PCDHA4: variants seen among roughly 807,000 people sequenced by gnomAD.
The protein encoded by PCDHA4 is protocadherin alpha 4.
Under a neutral mutation model 61.4 loss-of-function variants are expected in PCDHA4, and 49 were observed. The observed-to-expected ratio is 0.80, with a 90% CI of 0.63 to 1.01. The LOEUF is 1.01. Ranked by LOEUF, PCDHA4 falls within the 50% of genes least tolerant of loss-of-function variation. PCDHA4 has a pLI of 0.00. For synonymous variants in PCDHA4, 590 were observed against 550.3 expected (o/e 1.07, Z -1.01); for missense variants, 1,254 against 1,235.8 (o/e 1.01, Z -0.22).
chr5:140,927,137 A>G, intron 1 of PCDHA4: 2 of 1,614,052 alleles, frequency 1.2e-6, no homozygotes, highest in South Asian at 2.2e-5. Context: ...GAGCCGGCGG[A>G]CCGCGAACAG....
At chr5:140,829,903 C>T (rs2150177416) in intron 1 of PCDHA4, 3 of 1,613,978 alleles carry the variant, frequency 1.9e-6, no homozygotes, top group Non-Finnish European at 1.7e-6. Flanking sequence ...CAGGCTACAA[C>T]GCGTGGCTTT....
intron 1 of PCDHA4, chr5:140,817,098 T>C (rs1766065585): frequency 6.6e-6 from 1 of 152,248 alleles, no homozygotes; most frequent in African/African-American, 2.4e-5. Flanking sequence ...GCCACCCAGC[T>C]CTTTATTATT....
At chr5:140,884,049 T>C (rs1268930422) in intron 1 of PCDHA4, 2 of 1,613,296 alleles carry the variant, frequency 1.2e-6, no homozygotes, top group African/African-American at 1.3e-5. Flanking sequence ...GTGGCGAAGG[T>C]GCGCGCGGTG....
At chr5:140,918,241 G>C (rs1241592397) in intron 1 of PCDHA4, among the ~76,000 whole-genome samples, 4 of 152,162 alleles carry the variant, frequency 2.6e-5, no homozygotes, top group Admixed American at 1.3e-4. Flanking sequence ...CATTGATTTT[G>C]TATGCTGAAA....
rs1554124344 is a variant in PCDHA4, at chr5:140,807,922, C to A, written c.735C>A (p.Thr245=). ...ANDNAPAFDR[T]IYKVRLLENV... ...ACAATGCCCCAGCTTTTGACAGAACCATTTATAAGGTGAGATTACTAGAAA... is the reference window on the plus strand; with the variant it reads ...ACAATGCCCCAGCTTTTGACAGAACAATTTATAAGGTGAGATTACTAGAAA... Residue 245 remains threonine (T), a synonymous_variant, in exon 1 of 4, where the codon ACC becomes ACA. Coordinates refer to ENST00000530339, the MANE Select transcript of PCDHA4 (RefSeq NM_018907.4). The A allele has an allele frequency of 4.3e-6, 7 of 1,613,988 alleles. No individual in the cohort carries two copies. Among genetic ancestry groups the A allele is most frequent in the East Asian group, 2.2e-5 (1 of 44,880 alleles).
intron 1 of PCDHA4, among the ~76,000 whole-genome samples, chr5:140,893,546 A>T (rs765690335): frequency 2.0e-5 from 3 of 152,210 alleles, no homozygotes; most frequent in Non-Finnish European, 4.4e-5. Context: ...TGTAGGACTT[A>T]TCTAGTTGTA....
At chr5:140,882,018 A>C in intron 1 of PCDHA4, 2 of 559,360 alleles carry the variant, frequency 3.6e-6, no homozygotes, top group East Asian at 3.1e-5. Context: ...AAAATACTAC[A>C]TCAATGGAAA....
In PCDHA4 at chr5:140,876,964, C is replaced by T. The variant is rs781890307; in HGVS notation, c.2385+67392C>T. ...GGTGTCCTACTCGCTGGTGGAGCGG[C>T]GGGTGGGCGAGCACGCACTGTCGAG... On this transcript the variant is annotated intron_variant, in intron 1 of 3. Coordinates refer to ENST00000530339, the MANE Select transcript of PCDHA4 (RefSeq NM_018907.4). 2.5e-6 allele frequency: 4 copies of T among 1,613,060 alleles called. No individual in the cohort carries two copies. The highest frequency in any genetic ancestry group is 3.4e-6 in the Non-Finnish European group (4 of 1,179,806).
chr5:140,828,494 G>C (rs1333830874), intron 1 of PCDHA4: 1 of 1,614,144 alleles, frequency 6.2e-7, no homozygotes. Flanking sequence ...CTTGTTCCCG[G>C]TAGAGGAACA....
At chr5:140,982,211 A>G (rs1554243869) in intron 2 of PCDHA4, 1 of 476,036 alleles carries the variant, frequency 2.1e-6, no homozygotes, top group African/African-American at 2.0e-5. Flanking sequence ...AGTGAGCGCC[A>G]CATGGCGTTA....
At chr5:140,828,896 C>G (rs138760871) in intron 1 of PCDHA4, 2 of 1,614,178 alleles carry the variant, frequency 1.2e-6, no homozygotes, top group Non-Finnish European at 1.7e-6. Flanking sequence ...TGCTTCTGAT[C>G]GGGATGAAGG....
At chr5:140,843,557 G>C (rs1778973583) in intron 1 of PCDHA4, 1 of 1,595,984 alleles carries the variant, frequency 6.3e-7, no homozygotes. Flanking sequence ...CAGTGCGGTG[G>C]GGAGCTGGTC....
Position 140,968,677 on chromosome 5 carries a change from G to A in PCDHA4, c.2386-10272G>A, listed in dbSNP as rs781795184. The A allele has an allele frequency of 5.0e-6, 8 of 1,614,156 alleles. No individual in the cohort carries two copies. In the South Asian group the frequency reaches 8.8e-5, roughly 18 times the overall value. ...ACCTGGACCTCTTTAAGGTAGAGCTGCACACAGGAGAAATTAGGACTACCA... is the reference window on the plus strand; with the variant it reads ...ACCTGGACCTCTTTAAGGTAGAGCTACACACAGGAGAAATTAGGACTACCA... On this transcript the variant is annotated intron_variant, in intron 1 of 3. Coordinates refer to ENST00000530339, the MANE Select transcript of PCDHA4 (RefSeq NM_018907.4).
At chr5:140,919,614 T>C (rs1186816141) in intron 1 of PCDHA4, among the ~76,000 whole-genome samples, 1 of 152,212 alleles carries the variant, frequency 6.6e-6, no homozygotes, top group Non-Finnish European at 1.5e-5. Flanking sequence ...TTAAACTGTA[T>C]CTTTTGAGTT....
At chr5:140,916,978 C>T (rs907014572) in intron 1 of PCDHA4, among the ~76,000 whole-genome samples, 13 of 152,270 alleles carry the variant, frequency 8.5e-5, no homozygotes, top group South Asian at 2.1e-4. Context: ...ATGAGTGATT[C>T]GCCTCTGGCC....
At chr5:140,845,850 G>C (rs2150381822) in intron 1 of PCDHA4, among the ~76,000 whole-genome samples, 1 of 149,860 alleles carries the variant, frequency 6.7e-6, no homozygotes, top group East Asian at 1.9e-4. Flanking sequence ...GAGAAAAGAA[G>C]TTAGTGATTG....
At chr5:140,900,924 A>C (rs553059638) in intron 1 of PCDHA4, among the ~76,000 whole-genome samples, 1 of 152,216 alleles carries the variant, frequency 6.6e-6, no homozygotes, top group South Asian at 2.1e-4. Flanking sequence ...ATGATATCTC[A>C]TTGTAGTTTT....
At chr5:140,907,416 T>C (rs1209334366) in intron 1 of PCDHA4, among the ~76,000 whole-genome samples, 1 of 152,206 alleles carries the variant, frequency 6.6e-6, no homozygotes, top group East Asian at 1.9e-4. Flanking sequence ...ACCACGATGG[T>C]GGATAAGGCA....
At position 140,850,499 on chromosome 5, in the gene PCDHA4, G is replaced by T. The variant is rs2150486529; in HGVS notation, c.2385+40927G>T. 2.5e-6 allele frequency: 4 copies of T among 1,598,170 alleles called. No individual in the cohort carries two copies. The East Asian group carries it at 8.9e-5, about 36-fold the overall frequency. ...CGGCCACGGCCACTGTGCTGGTGTCGCTGGTGGAGAGCGGCCAGGCGCCAA... is the reference window on the plus strand; with the variant it reads ...CGGCCACGGCCACTGTGCTGGTGTCTCTGGTGGAGAGCGGCCAGGCGCCAA... On this transcript the variant is annotated intron_variant, in intron 1 of 3. Transcript: ENST00000530339.
Sources: gnomAD v4.1 joint callset for allele counts (sites outside exome capture counted in the v4.1 genomes callset) on GRCh38, gnomAD v4.1.1 for gene constraint, MANE v1.5 for transcripts, NCBI Gene and HGNC (gene_info 2026-07-23, HGNC 2026-07-21) for gene names.